The following SLIT3 variants were observed in gnomAD, a reference collection of about 807,000 sequenced individuals.
SLIT3 encodes the protein slit guidance ligand 3.
In SLIT3, 68 loss-of-function variants were observed where a neutral mutation model predicts 184.0. The ratio of observed to expected loss-of-function variants is 0.37; its 90% CI spans 0.30 to 0.45. The LOEUF is 0.45. Ranked by LOEUF, SLIT3 falls within the 20% of genes least tolerant of loss-of-function variation. SLIT3 has a pLI of 1.00. For synonymous variants in SLIT3, 831 were observed against 828.6 expected, an observed-to-expected ratio of 1.00 and a Z score of -0.05; for missense variants, 1,707 against 2,026.0, an observed-to-expected ratio of 0.84 and a Z score of 3.02.
chr5:169,237,226 C>A (rs977709218), intron 3 of SLIT3, among the ~76,000 whole-genome samples: 1 of 152,178 alleles, frequency 6.6e-6, no homozygotes, highest in Non-Finnish European at 1.5e-5. Context: ...CGGGATACCC[C>A]ACTCTCCTAC....
At chr5:168,736,594 C>A (rs1464196843) in intron 20 of SLIT3, among the ~76,000 whole-genome samples, 1 of 152,144 alleles carries the variant, frequency 6.6e-6, no homozygotes, top group Non-Finnish European at 1.5e-5. Context: ...ATGGACATAG[C>A]CAGAACCACT....
chr5:169,205,467 T>C, intron 3 of SLIT3, among the ~76,000 whole-genome samples: 1 of 152,218 alleles, frequency 6.6e-6, no homozygotes, highest in East Asian at 1.9e-4. Context: ...TGATACCTAC[T>C]AGGATATCCA....
Position 168,730,260 on chromosome 5 carries a change from C to T in SLIT3, c.2271-5776G>A, listed in dbSNP as rs367661489. Among the ~76,000 whole-genome samples, 33 of 152,008 alleles carry T rather than the reference C, an allele frequency of 2.2e-4. No homozygotes were observed. The East Asian group carries it at 5.2e-3, about 24-fold the overall frequency. On this transcript the variant is annotated intron_variant, in intron 20 of 35. Coordinates refer to ENST00000519560, the MANE Select transcript of SLIT3 (RefSeq NM_003062.4). ...TACTGGACCTAATGAAAGAAACAGACGACAATACAATAATAGTAGGGTCTT... is the reference window on the plus strand; with the variant it reads ...TACTGGACCTAATGAAAGAAACAGATGACAATACAATAATAGTAGGGTCTT...
At position 169,020,755 on chromosome 5, in the gene SLIT3, A is replaced by G. The variant is rs140138213; in HGVS notation, c.414-137419T>C. The stretch of plus-strand genomic sequence containing the variant: ...GGTAAAGGGATTGCTACCTATGTAA[A>G]GGGGAAAGAGAAACACGCAGAACCA... On this transcript the variant is annotated intron_variant, in intron 4 of 35. Transcript: ENST00000519560. 5.7e-4 allele frequency among the ~76,000 whole-genome samples: 87 copies of G among 152,332 alleles called. 1 individual carries two copies. The highest frequency in any genetic ancestry group is 2.0e-3 in the African/African-American group (85 of 41,576).
At chr5:169,229,668 C>T (rs903227829) in intron 3 of SLIT3, among the ~76,000 whole-genome samples, 2 of 147,424 alleles carry the variant, frequency 1.4e-5, no homozygotes, top group Non-Finnish European at 3.0e-5. Flanking sequence ...CTCTCTCTCT[C>T]TCCTTATTCA....
intron 4 of SLIT3, among the ~76,000 whole-genome samples, chr5:168,903,121 TA>T (rs1191330511): frequency 6.6e-6 from 1 of 152,146 alleles, no homozygotes; most frequent in Non-Finnish European, 1.5e-5. Context: ...AAGAGCCAAT[TA>T]AAAAATAACT....
chr5:168,805,425 T>C (rs903180739), intron 9 of SLIT3, among the ~76,000 whole-genome samples: 6 of 152,186 alleles, frequency 3.9e-5, no homozygotes, highest in Non-Finnish European at 8.8e-5. Flanking sequence ...GGATTTTACC[T>C]AATGATGTTC....
chr5:169,077,520 CAG>C (rs1404460431), intron 4 of SLIT3, among the ~76,000 whole-genome samples: 2 of 152,000 alleles, frequency 1.3e-5, no homozygotes, highest in African/African-American at 4.8e-5. Context: ...GCCTGGGTGA[CAG>C]AGTGAGACCC....
intron 3 of SLIT3, among the ~76,000 whole-genome samples, chr5:169,211,745 C>T (rs1764272562): frequency 6.6e-6 from 1 of 152,162 alleles, no homozygotes; most frequent in Non-Finnish European, 1.5e-5. Flanking sequence ...ACCCATTGAA[C>T]TGTCACCTAC....
At position 168,772,711 on chromosome 5, in the gene SLIT3, G is replaced by C. The variant is rs544700643; in HGVS notation, c.1459+70C>G. On this transcript the variant is annotated intron_variant, in intron 14 of 35. Transcript: ENST00000519560. ...ACAGTGCTCGCTGTCCTCCAGATTG[G>C]ATTATTGGCCTCTCTGGGGCTGCTG... 78 of 1,560,122 alleles carry C rather than the reference G, an allele frequency of 5.0e-5. No individual in the cohort carries two copies. The African/African-American group carries it at 9.6e-4, about 19-fold the overall frequency.
chr5:168,700,329 A>G (rs568404070), intron 27 of SLIT3, among the ~76,000 whole-genome samples: 5 of 152,330 alleles, frequency 3.3e-5, no homozygotes, highest in African/African-American at 1.2e-4. Flanking sequence ...TTCTCATGGT[A>G]GTGAATAAAT....
intron 4 of SLIT3, among the ~76,000 whole-genome samples, chr5:168,949,084 T>A (rs1762570553): frequency 6.6e-6 from 1 of 152,184 alleles, no homozygotes; most frequent in Non-Finnish European, 1.5e-5. Context: ...AGCATCTGTA[T>A]TTTTCATGAG....
At chr5:169,096,554 A>T (rs182677799) in intron 4 of SLIT3, among the ~76,000 whole-genome samples, 1 of 152,242 alleles carries the variant, frequency 6.6e-6, no homozygotes, top group Non-Finnish European at 1.5e-5. Flanking sequence ...CTTTATTTAC[A>T]AAATAGCCAT....
At chr5:168,841,053 A>T (rs549109522) in intron 6 of SLIT3, among the ~76,000 whole-genome samples, 1 of 152,320 alleles carries the variant, frequency 6.6e-6, no homozygotes, top group African/African-American at 2.4e-5. Flanking sequence ...CGGGATTGTG[A>T]GTCATTGCTA....
intron 4 of SLIT3, among the ~76,000 whole-genome samples, chr5:168,918,117 G>C (rs1761505480): frequency 6.6e-6 from 1 of 152,008 alleles, no homozygotes; most frequent in Non-Finnish European, 1.5e-5. Context: ...TGGTGCTTCA[G>C]AGATGTTATA....
intron 4 of SLIT3, among the ~76,000 whole-genome samples, chr5:169,104,173 T>G (rs1009428202): frequency 6.6e-6 from 1 of 152,158 alleles, no homozygotes; most frequent in Non-Finnish European, 1.5e-5. Flanking sequence ...AATACCCCCA[T>G]ATTTGATCTG....
chr5:169,137,654 T>C (rs1189586126), intron 4 of SLIT3, among the ~76,000 whole-genome samples: 1 of 151,986 alleles, frequency 6.6e-6, no homozygotes, highest in Non-Finnish European at 1.5e-5. Context: ...TGATTACCTT[T>C]AAACTGCCTC....
At chr5:168,939,836 AACACTTTCC>A (rs1762278202) in intron 4 of SLIT3, among the ~76,000 whole-genome samples, 1 of 152,232 alleles carries the variant, frequency 6.6e-6, no homozygotes, top group Non-Finnish European at 1.5e-5. Flanking sequence ...CATGTTATTG[AACACTTTCC>A]ACGTGCCTGG....
At chr5:168,995,193 A>G (rs1446460987) in intron 4 of SLIT3, among the ~76,000 whole-genome samples, 2 of 152,202 alleles carry the variant, frequency 1.3e-5, no homozygotes, top group African/African-American at 4.8e-5. Flanking sequence ...CCACTGTGCA[A>G]CCAGCAAATT....
Sources: gnomAD v4.1 joint callset for allele counts (sites outside exome capture counted in the v4.1 genomes callset) on GRCh38, gnomAD v4.1.1 for gene constraint, MANE v1.5 for transcripts, NCBI Gene and HGNC (gene_info 2026-07-23, HGNC 2026-07-21) for gene names.